Variants in TNFAIP8 observed in about 807,000 individuals in gnomAD.
TNFAIP8 encodes TNF alpha induced protein 8.
Under a neutral mutation model 13.3 loss-of-function variants are expected in TNFAIP8, and 7 were observed. The ratio of observed to expected loss-of-function variants is 0.52; its 90% CI spans 0.30 to 0.99. The LOEUF (loss-of-function observed/expected upper bound fraction) is 0.99, where lower values mean the gene tolerates loss of function less well. TNFAIP8 is among the 50% of genes least tolerant of loss of function. The probability of loss-of-function intolerance (pLI) is 0.07; values close to 1 mark genes in which losing one functional copy is unlikely to be tolerated. For synonymous variants in TNFAIP8, 94 were observed against 87.6 expected (o/e 1.07, Z -0.41); for missense variants, 258 against 236.9 (o/e 1.09, Z -0.58).
intron 1 of TNFAIP8, among the ~76,000 whole-genome samples, chr5:119,320,458 C>A (rs1265443308): frequency 6.6e-6 from 1 of 152,152 alleles, no homozygotes; most frequent in Non-Finnish European, 1.5e-5. Context: ...CACTTCTCTC[C>A]TGCCCATTCT....
At chr5:119,279,242 G>A (rs531836781) in intron 1 of TNFAIP8, among the ~76,000 whole-genome samples, 2 of 152,304 alleles carry the variant, frequency 1.3e-5, no homozygotes, top group African/African-American at 2.4e-5. Context: ...CACTCTGGTG[G>A]CTCAGCTGCC....
intron 1 of TNFAIP8, among the ~76,000 whole-genome samples, chr5:119,273,238 C>T (rs1041233453): frequency 4.6e-5 from 7 of 152,198 alleles, no homozygotes; most frequent in African/African-American, 1.4e-4. Flanking sequence ...AGATGTTCCT[C>T]TCCTGTATCA....
At chr5:119,351,852 C>A (rs1450437859), upstream of TNFAIP8, among the ~76,000 whole-genome samples, 1 of 147,250 alleles carries the variant, frequency 6.8e-6, no homozygotes, top group East Asian at 1.9e-4. Context: ...TGCAGTGGCA[C>A]GATCTCAGCT....
At chr5:119,299,004 T>C (rs1424296828) in intron 1 of TNFAIP8, among the ~76,000 whole-genome samples, 1 of 152,142 alleles carries the variant, frequency 6.6e-6, no homozygotes, top group East Asian at 1.9e-4. Flanking sequence ...AGTTATACAT[T>C]CTTCTAAATT....
At chr5:119,322,353 C>G (rs62375110) in intron 1 of TNFAIP8, among the ~76,000 whole-genome samples, 30,957 of 151,966 alleles carry the variant, frequency 0.2, 3,724 homozygotes, top group East Asian at 0.4. Flanking sequence ...AGGAGTGGTC[C>G]CAGGACCTTG....
intron 1 of TNFAIP8, among the ~76,000 whole-genome samples, chr5:119,369,367 A>C (rs1157742749): frequency 1.3e-5 from 2 of 152,062 alleles, no homozygotes; most frequent in Admixed American, 1.3e-4. Context: ...ACTTTCATTG[A>C]GTTAAATGAA....
Position 119,392,798 on chromosome 5 carries a change from CTCT to C in TNFAIP8, c.32-16_32-14del. 6.8e-7 allele frequency: 1 copy of C among 1,476,418 alleles called. No individual in the cohort carries two copies. Among genetic ancestry groups the C allele is most frequent in the Non-Finnish European group, 9.0e-7 (1 of 1,105,214 alleles). The allele number at this position is 1,476,418 out of a possible 1,614,324, so 91.5% of individuals were successfully genotyped here. A position where few individuals can be genotyped will look rare whatever the true frequency, so the allele number is the denominator to read the frequency against. ...TTTACTAATTGTTAATTCTTTTCCT[CTCT>C]TTTTTTTTTTTTAGTGGCCACAGAT... is the stretch of plus-strand genomic sequence containing the variant. On this transcript the variant is annotated splice_polypyrimidine_tract_variant and intron_variant, in intron 1 of 1. Coordinates refer to ENST00000504771, the MANE Select transcript of TNFAIP8 (RefSeq NM_014350.4).
At chr5:119,300,106 G>A (rs568909776) in intron 1 of TNFAIP8, among the ~76,000 whole-genome samples, 4 of 152,344 alleles carry the variant, frequency 2.6e-5, no homozygotes, top group South Asian at 4.1e-4. Context: ...CGCACGGTGC[G>A]CTGCACCCAC....
At chr5:119,377,071 CTT>C (rs1368848634) in intron 1 of TNFAIP8, among the ~76,000 whole-genome samples, 2 of 152,166 alleles carry the variant, frequency 1.3e-5, no homozygotes, top group African/African-American at 4.8e-5. Flanking sequence ...AGAGTAGGCA[CTT>C]TGCCTGGCAC....
At chr5:119,306,802 A>G (rs1749581550) in intron 1 of TNFAIP8, among the ~76,000 whole-genome samples, 1 of 152,198 alleles carries the variant, frequency 6.6e-6, no homozygotes. Context: ...CAGAAGTAAT[A>G]TGTATTCAAG....
chr5:119,386,857 C>T (rs1439560166), intron 1 of TNFAIP8, among the ~76,000 whole-genome samples: 2 of 152,182 alleles, frequency 1.3e-5, no homozygotes, highest in Non-Finnish European at 2.9e-5. Flanking sequence ...TCTTCTCTCT[C>T]TAGTTGATAA....
chr5:119,354,166 G>T (rs1198681748), upstream of TNFAIP8: 1 of 152,174 alleles, frequency 6.6e-6, no homozygotes, highest in Non-Finnish European at 1.5e-5. Flanking sequence ...TGAGTGCAAG[G>T]TATACATATC....
chr5:119,286,728 C>T (rs1298394850), intron 1 of TNFAIP8, among the ~76,000 whole-genome samples: 1 of 151,996 alleles, frequency 6.6e-6, no homozygotes, highest in Admixed American at 6.5e-5. Context: ...TGTGGTGGCT[C>T]TGCCATGCCC....
chr5:119,278,368 AGAGAGAGAGTGTGTGTGT>A (rs1561979542), intron 1 of TNFAIP8, among the ~76,000 whole-genome samples: 8 of 135,378 alleles, frequency 5.9e-5, no homozygotes, highest in East Asian at 2.1e-4. Context: ...AGAGAGAGAG[AGAGAGAGAGTGTGTGTGT>A]GTGTGTGTGT....
In TNFAIP8 at chr5:119,392,879, A is replaced by G; in HGVS notation, c.95A>G (p.Lys32Arg). 1 of 1,577,278 alleles carries G rather than the reference A, an allele frequency of 6.3e-7. No homozygotes were observed. The change falls in exon 2 of 2, where the codon AAA (lysine) becomes AGA (arginine). Residue 32 changes from lysine (K) to arginine (R), a missense_variant. By Grantham distance (26) the Lys-to-Arg change is conservative (BLOSUM62 2). Coordinates refer to ENST00000504771, the MANE Select transcript of TNFAIP8 (RefSeq NM_014350.4). Reference protein sequence around the residue: ...AVQAQKKILGKMVSKSIATTL... With the variant: ...AVQAQKKILGRMVSKSIATTL... Reference sequence around the variant, plus strand: ...CAGGCACAAAAGAAGATCTTGGGTAAAATGGTGTCCAAATCCATCGCCACC... The same window carrying G: ...CAGGCACAAAAGAAGATCTTGGGTAGAATGGTGTCCAAATCCATCGCCACC...
At chr5:119,279,322 C>T (rs1748560359) in intron 1 of TNFAIP8, among the ~76,000 whole-genome samples, 1 of 152,188 alleles carries the variant, frequency 6.6e-6, no homozygotes. Flanking sequence ...TTTCTGTGAA[C>T]TCTCAAAGGC....
intron 1 of TNFAIP8, among the ~76,000 whole-genome samples, chr5:119,361,950 C>T (rs1751651436): frequency 6.6e-6 from 1 of 152,212 alleles, no homozygotes; most frequent in African/African-American, 2.4e-5. Flanking sequence ...AGCACCTCCT[C>T]TGCAGGGCCT....
intron 1 of TNFAIP8, among the ~76,000 whole-genome samples, chr5:119,284,786 G>A (rs1334549440): frequency 6.6e-6 from 1 of 152,074 alleles, no homozygotes; most frequent in Non-Finnish European, 1.5e-5. Flanking sequence ...CAACTTGAGA[G>A]CAACCTGCCT....
At chr5:119,377,671 C>T (rs990759512) in intron 1 of TNFAIP8, among the ~76,000 whole-genome samples, 2 of 152,170 alleles carry the variant, frequency 1.3e-5, no homozygotes, top group African/African-American at 4.8e-5. Context: ...GAAAACAAAT[C>T]ATGATCACTC....
Sources: gnomAD v4.1 joint callset for allele counts (sites outside exome capture counted in the v4.1 genomes callset) on GRCh38, gnomAD v4.1.1 for gene constraint, MANE v1.5 for transcripts, NCBI Gene and HGNC (gene_info 2026-07-23, HGNC 2026-07-21) for gene names.